Variants in C4orf51 observed in about 807,000 individuals in gnomAD.
C4orf51 encodes chromosome 4 open reading frame 51.
A neutral mutation model predicts 25.2 loss-of-function variants in C4orf51; 25 were observed. The observed-to-expected ratio is 0.99, with a 90% CI of 0.72 to 1.39. The LOEUF (loss-of-function observed/expected upper bound fraction) is 1.39, where lower values mean the gene tolerates loss of function less well. Among genes scored for constraint, C4orf51 ranks in the 40% most tolerant of loss-of-function variants. The pLI is 0.00. For missense variants in C4orf51, 252 were observed against 239.6 expected (o/e 1.05, Z -0.34); for synonymous variants, 100 against 84.5 (o/e 1.18, Z -1.01).
At chr4:145,734,343 A>G (rs1732678306), downstream of C4orf51, among the ~76,000 whole-genome samples, 1 of 150,746 alleles carries the variant, frequency 6.6e-6, no homozygotes, top group Non-Finnish European at 1.5e-5. Flanking sequence ...GATTGAGGAC[A>G]CTCAGAAAGT....
chr4:145,705,144 C>G (rs1242037927), intron 2 of C4orf51, among the ~76,000 whole-genome samples: 1 of 152,214 alleles, frequency 6.6e-6, no homozygotes, highest in Non-Finnish European at 1.5e-5. Context: ...TCTTCCCTTA[C>G]CAGTCAAATG....
chr4:145,779,210 C>T, the C4orf51 span, among the ~76,000 whole-genome samples: 1 of 152,188 alleles, frequency 6.6e-6, no homozygotes, highest in Non-Finnish European at 1.5e-5. Context: ...AATAAAAAAG[C>T]CTTTCCAAGG....
chr4:145,705,319 C>A lies in C4orf51; in HGVS notation c.307+8687C>A, dbSNP rs568216594. Reference sequence around the variant, plus strand: ...TGCCTTTCCCTGGCATTGGCTGTGACCAATTATTATTTTAAAGAGACAGTT... The same window carrying A: ...TGCCTTTCCCTGGCATTGGCTGTGAACAATTATTATTTTAAAGAGACAGTT... On this transcript the variant is annotated intron_variant, in intron 2 of 5. Coordinates refer to ENST00000438731, the MANE Select transcript of C4orf51 (RefSeq NM_001080531.3). 2.8e-4 allele frequency among the ~76,000 whole-genome samples: 42 copies of A among 152,234 alleles called. No homozygotes were observed. In the South Asian group the frequency reaches 7.9e-3, roughly 29 times the overall value.
chr4:145,739,578 T>C (rs1029872569), intron 1 of C4orf51, among the ~76,000 whole-genome samples: 1 of 152,262 alleles, frequency 6.6e-6, no homozygotes, highest in Non-Finnish European at 1.5e-5. Flanking sequence ...GCTTTTATTT[T>C]ATCATGTGCA....
chr4:145,731,443 C>T (rs1245530479), intron 5 of C4orf51, among the ~76,000 whole-genome samples: 1 of 151,648 alleles, frequency 6.6e-6, no homozygotes, highest in Non-Finnish European at 1.5e-5. Context: ...ACTAAAAGTA[C>T]ATGCAGGTGC....
At chr4:145,694,405 C>T (rs1225312256) in intron 1 of C4orf51, among the ~76,000 whole-genome samples, 13 of 133,468 alleles carry the variant, frequency 9.7e-5, no homozygotes, top group Admixed American at 2.9e-4. Flanking sequence ...CCAGCCGCCC[C>T]GTCTGGGAGG....
At chr4:145,708,957 C>T (rs910328652) in intron 2 of C4orf51, among the ~76,000 whole-genome samples, 9 of 152,146 alleles carry the variant, frequency 5.9e-5, no homozygotes, top group African/African-American at 2.2e-4. Context: ...TGAATATGAC[C>T]TTGAAGTTCT....
At chr4:145,706,921 C>T (rs1435603646) in intron 2 of C4orf51, among the ~76,000 whole-genome samples, 1 of 151,360 alleles carries the variant, frequency 6.6e-6, no homozygotes, top group African/African-American at 2.4e-5. Flanking sequence ...AAGCGATTCT[C>T]CTGCCTCAGC....
the C4orf51 span, among the ~76,000 whole-genome samples, chr4:145,776,141 G>A: frequency 6.6e-6 from 1 of 152,150 alleles, no homozygotes; most frequent in African/African-American, 2.4e-5. Flanking sequence ...GGTCACTCCT[G>A]TATTAGTACT....
chr4:145,711,493 T>TTTCTCCC lies in C4orf51; in HGVS notation c.307+14866_307+14872dup, dbSNP rs535114656. Among the ~76,000 whole-genome samples the TTTCTCCC allele has an allele frequency of 1.1e-3, 163 of 152,284 alleles. 1 individual carries two copies. Among genetic ancestry groups the TTTCTCCC allele is most frequent in the African/African-American group, 3.7e-3 (153 of 41,546 alleles). ...GTTCTTTAAATAAGTTTTCCACTTC[T>TTTCTCCC]TTCTCCCTTCTGGTACTTTCTTTCT... is the stretch of plus-strand genomic sequence containing the variant. On this transcript the variant is annotated intron_variant, in intron 2 of 5. Transcript: ENST00000438731.
At chr4:145,699,011 T>C (rs1034698105) in intron 2 of C4orf51, among the ~76,000 whole-genome samples, 1 of 151,760 alleles carries the variant, frequency 6.6e-6, no homozygotes, top group African/African-American at 2.4e-5. Context: ...GACATTACCT[T>C]GTGAAAGTCC....
intron 1 of C4orf51, among the ~76,000 whole-genome samples, chr4:145,686,896 G>C (rs1166864800): frequency 6.6e-6 from 1 of 152,150 alleles, no homozygotes; most frequent in African/African-American, 2.4e-5. Flanking sequence ...ATGCTGTTTG[G>C]AAGAGGGTGA....
intron 1 of C4orf51, among the ~76,000 whole-genome samples, chr4:145,690,993 G>T (rs1039535763): frequency 3.3e-5 from 5 of 152,048 alleles, no homozygotes; most frequent in African/African-American, 9.7e-5. Context: ...TGTGTCTGTG[G>T]TCCCAGCTAC....
intron 1 of C4orf51, among the ~76,000 whole-genome samples, chr4:145,748,172 G>A (rs1289233405): frequency 6.6e-6 from 1 of 151,932 alleles, no homozygotes; most frequent in Non-Finnish European, 1.5e-5. Context: ...CAATTTACGG[G>A]TATCTAGTTG....
chr4:145,791,937 C>T, the C4orf51 span, among the ~76,000 whole-genome samples: 2 of 152,294 alleles, frequency 1.3e-5, no homozygotes, highest in South Asian at 2.1e-4. Flanking sequence ...AACTAGGAAG[C>T]GTATGTACTC....
At chr4:145,745,225 A>G (rs1404614539) in intron 1 of C4orf51, among the ~76,000 whole-genome samples, 1 of 152,006 alleles carries the variant, frequency 6.6e-6, no homozygotes, top group South Asian at 2.1e-4. Flanking sequence ...AAACAATCCA[A>G]TTATTCTCTT....
rs1728740784 is a variant in C4orf51, at chr4:145,680,245, C to T, written c.42C>T (p.Pro14=). The T allele has an allele frequency of 6.2e-7, 1 of 1,613,952 alleles. No homozygotes were observed. The highest frequency in any genetic ancestry group is 8.5e-7 in the Non-Finnish European group (1 of 1,179,850). ...YFYLTPQILL[P]FSPLTSQEFD... Reference sequence around the variant, plus strand: ...ACTTGACTCCACAAATTCTTCTGCCCTTTAGCCCTCTTACTTCTCAAGAGT... The same window carrying T: ...ACTTGACTCCACAAATTCTTCTGCCTTTTAGCCCTCTTACTTCTCAAGAGT... Residue 14 remains proline, a synonymous_variant, in exon 1 of 6, where the codon CCC becomes CCT. Coordinates refer to ENST00000438731, the MANE Select transcript of C4orf51 (RefSeq NM_001080531.3).
At chr4:145,733,102 C>T (rs937034886), downstream of C4orf51, among the ~76,000 whole-genome samples, 1 of 152,110 alleles carries the variant, frequency 6.6e-6, no homozygotes, top group African/African-American at 2.4e-5. Context: ...CCTCCCGTCC[C>T]GGCTCCCTCG....
downstream of C4orf51, among the ~76,000 whole-genome samples, chr4:145,774,178 T>C (rs1271438787): frequency 6.6e-6 from 1 of 152,106 alleles, no homozygotes; most frequent in Non-Finnish European, 1.5e-5. Context: ...TGAGAGCCAG[T>C]GTGCAAAGGC....
Sources: allele counts gnomAD v4.1 joint callset (sites outside exome capture counted in the v4.1 genomes callset), GRCh38; gene constraint gnomAD v4.1.1; transcripts MANE v1.5; gene names NCBI Gene and HGNC (gene_info 2026-07-23, HGNC 2026-07-21).